Variants in EML5 observed in about 807,000 individuals in gnomAD.
EML5 encodes echinoderm microtubule-associated protein-like 5.
A neutral mutation model predicts 250.0 loss-of-function variants in EML5; 120 were observed. The observed-to-expected ratio is 0.48, with a 90% CI of 0.41 to 0.56. The LOEUF (loss-of-function observed/expected upper bound fraction) is 0.56. EML5 is among the 20% of genes least tolerant of loss of function. EML5 has a pLI of 0.00. For synonymous variants in EML5, 771 were observed against 806.5 expected (o/e 0.96, Z 0.75); for missense variants, 2,006 against 2,437.6 (o/e 0.82, Z 3.73).
chr14:88,725,718 A>G lies in EML5; in HGVS notation c.1187+823T>C, dbSNP rs149641449. On this transcript the variant is annotated intron_variant, in intron 8 of 43. Transcript: ENST00000554922. ...GGAGTGAAGAAAGGTCTTGAGGGAAACCAAACAGGAGGTAAGAAGATCAGC... is the reference window on the plus strand; with the variant it reads ...GGAGTGAAGAAAGGTCTTGAGGGAAGCCAAACAGGAGGTAAGAAGATCAGC... Among the ~76,000 whole-genome samples the G allele has an allele frequency of 2.9e-3, 445 of 152,288 alleles. 3 individuals carry two copies. Among genetic ancestry groups the G allele is most frequent in the African/African-American group, 0.01 (431 of 41,568 alleles).
At chr14:88,743,673 A>G (rs926006629) in intron 4 of EML5, among the ~76,000 whole-genome samples, 1 of 152,074 alleles carries the variant, frequency 6.6e-6, no homozygotes, top group Admixed American at 6.6e-5. Flanking sequence ...CTCCCACACC[A>G]TTCTATGTAA....
chr14:88,726,439 AAAC>A (rs548174818), intron 8 of EML5, 99 bp downstream of exon 8: 4 of 939,168 alleles, frequency 4.3e-6, no homozygotes, highest in Admixed American at 3.9e-5. Flanking sequence ...AAATAGGTAA[AAAC>A]AACAAGTATT....
rs1337117801 is a variant in EML5 at position 88,663,037 on chromosome 14, G to T, written c.3492C>A (p.Ser1164Arg). The T allele has an allele frequency of 1.3e-6, 2 of 1,550,500 alleles. No homozygotes were observed. The highest frequency in any genetic ancestry group is 1.7e-6 in the Non-Finnish European group (2 of 1,146,296). Residue 1164 changes from serine (S) to arginine (R), a missense_variant, in exon 24 of 44, where the codon AGC becomes AGA. By Grantham distance (110) the Ser-to-Arg change is moderately radical (BLOSUM62 -1). Coordinates refer to ENST00000554922, the MANE Select transcript of EML5 (RefSeq NM_183387.3). ...AGCACCACTGTTGTCCTACCTCCAC[G>T]CTGGGGATGGTTTGTTTTTTCCCTC... ...APRGKKQTIP[S>R]VEVEKIAWAS...
intron 5 of EML5, among the ~76,000 whole-genome samples, chr14:88,739,614 G>A (rs1308923523): frequency 2.0e-5 from 3 of 152,014 alleles, no homozygotes; most frequent in African/African-American, 4.8e-5. Flanking sequence ...GTAACTTTGG[G>A]CTGTGAGAGA....
chr14:88,727,487 C>T lies in EML5; in HGVS notation c.1050-809G>A, dbSNP rs1320653040. ...TGTGATCTCGGCTCACTGCAACCTC[C>T]GCCTCCCGGGTTCAAGCAATTCTCC... On this transcript the variant is annotated intron_variant, in intron 7 of 43. Transcript: ENST00000554922. 4.1e-5 allele frequency among the ~76,000 whole-genome samples: 6 copies of T among 148,110 alleles called. No individual in the cohort carries two copies. In the South Asian group the frequency reaches 6.4e-4, roughly 16 times the overall value.
intron 10 of EML5, 62 bp from the exon 11 acceptor site, chr14:88,706,488 A>G (rs1021228856): frequency 9.8e-5 from 120 of 1,226,074 alleles, no homozygotes; most frequent in Non-Finnish European, 1.2e-4. Context: ...CATTTCAAAC[A>G]ATTTTTATAT....
chr14:88,649,605 T>C (rs1027318913), intron 28 of EML5, among the ~76,000 whole-genome samples: 4 of 152,182 alleles, frequency 2.6e-5, no homozygotes, highest in Non-Finnish European at 5.9e-5. Context: ...CTTAAATATA[T>C]GTGTGGTTAG....
chr14:88,754,828 G>C (rs61983301), intron 1 of EML5, among the ~76,000 whole-genome samples, 157 bp from the exon 2 acceptor site: 16,942 of 152,236 alleles, frequency 0.11, 1,044 homozygotes, highest in African/African-American at 0.14. Flanking sequence ...TGTTGAGACA[G>C]AGTCTCGTTC....
At chr14:88,618,899 A>T in intron 39 of EML5, 87 bp from the exon 40 acceptor site, 2 of 1,381,972 alleles carry the variant, frequency 1.4e-6, no homozygotes, top group Non-Finnish European at 1.9e-6. Flanking sequence ...TCTAGTTCTT[A>T]AAAGTAACGT....
At chr14:88,647,161 G>A (rs1456938185) in intron 28 of EML5, among the ~76,000 whole-genome samples, 1 of 152,062 alleles carries the variant, frequency 6.6e-6, no homozygotes, top group East Asian at 1.9e-4. Flanking sequence ...AGGAGTTCGA[G>A]ACCAGCCTGG....
In EML5 at chr14:88,687,494, A is replaced by G. The variant is rs1031797001; in HGVS notation, c.2743-167T>C. Among the ~76,000 whole-genome samples, 3 of 152,214 alleles carry G rather than the reference A, an allele frequency of 2.0e-5. No individual in the cohort carries two copies. In the East Asian group the frequency reaches 5.8e-4, roughly 29 times the overall value. ...TCCATTGTGTTTTTAAACCGTCTAC[A>G]TGGAATCTGCAACAATATTTACAGT... On this transcript the variant is annotated intron_variant, in intron 18 of 43. Coordinates refer to ENST00000554922, the MANE Select transcript of EML5 (RefSeq NM_183387.3).
At chr14:88,712,775 A>C (rs1157386104) in intron 9 of EML5, among the ~76,000 whole-genome samples, 1 of 152,182 alleles carries the variant, frequency 6.6e-6, no homozygotes, top group Non-Finnish European at 1.5e-5. Context: ...TTATTTAAAA[A>C]ATGATACAGA....
intron 39 of EML5, 36 bp from the exon 40 acceptor site, chr14:88,618,848 C>T (rs1166575235): frequency 1.2e-5 from 18 of 1,528,358 alleles, no homozygotes; most frequent in African/African-American, 1.4e-5. Context: ...TATTAGACCA[C>T]ATGAAGTATT....
chr14:88,704,777 A>G lies in EML5; in HGVS notation c.2051+83T>C, dbSNP rs903713403. The G allele has an allele frequency of 2.6e-5, 25 of 950,442 alleles. No individual in the cohort carries two copies. The African/African-American group carries it at 4.1e-4, about 15-fold the overall frequency. 58.9% of individuals were successfully genotyped at this position (950,442 alleles called of 1,614,324 possible). A position where few individuals can be genotyped will look rare whatever the true frequency, so the allele number is the denominator to read the frequency against. On this transcript the variant is annotated intron_variant, in intron 13 of 43. Transcript: ENST00000554922. ...TCGGATATGTCATTTCAGGGGATAC[A>G]GTCAGTTCTATCATTAGAGATGTTA...
intron 8 of EML5, among the ~76,000 whole-genome samples, chr14:88,722,540 C>T (rs1282599673): frequency 6.6e-6 from 1 of 151,684 alleles, no homozygotes; most frequent in Non-Finnish European, 1.5e-5. Context: ...CACATATTCT[C>T]GTTTATAAGT....
At position 88,616,259 on chromosome 14, in the gene EML5, G is replaced by T; in HGVS notation, c.5797-17C>A. ...GTGTTTTGCCTAAAAAACAATGACA[G>T]ACAAGCTCAGGGCATTTGGTGCACA... On this transcript the variant is annotated splice_polypyrimidine_tract_variant and intron_variant, in intron 42 of 43. Transcript: ENST00000554922. 1 of 1,611,658 alleles carries T rather than the reference G, an allele frequency of 6.2e-7. No homozygotes were observed. The highest frequency in any genetic ancestry group is 8.5e-7 in the Non-Finnish European group (1 of 1,177,896).
rs2092109981 is a variant in EML5 at position 88,661,822 on chromosome 14, T to A, written c.3507A>T (p.Lys1169Asn). The A allele has an allele frequency of 6.2e-7, 1 of 1,606,754 alleles. No individual in the cohort carries two copies. Among genetic ancestry groups the A allele is most frequent in the African/African-American group, 1.3e-5 (1 of 74,788 alleles). The change falls in exon 25 of 44, where the codon AAA (lysine) becomes AAT (asparagine). Residue 1169 changes from lysine to asparagine, a missense_variant. Lys to Asn is a moderately conservative substitution (Grantham distance 94). Around this residue, in one of 7 missense-constraint regions of EML5, gnomAD observed 1,375 missense variants for 1,590.3 expected, o/e 0.86. Coordinates refer to ENST00000554922, the MANE Select transcript of EML5 (RefSeq NM_183387.3). Reference protein sequence around the residue: ...KQTIPSVEVEKIAWASWTSVL... With the variant: ...KQTIPSVEVENIAWASWTSVL... ...CACTTGTCCATGATGCCCAAGCAAT[T>A]TTTTCTACCTAAAAATGAAAAACAA...
At chr14:88,738,602 G>T (rs2140227723) in intron 6 of EML5, among the ~76,000 whole-genome samples, 1 of 152,092 alleles carries the variant, frequency 6.6e-6, no homozygotes, top group Non-Finnish European at 1.5e-5. Flanking sequence ...AAAATCCAAA[G>T]ATACCTAAGT....
intron 2 of EML5, 143 bp from the exon 3 acceptor site, chr14:88,746,426 A>G: frequency 1.6e-6 from 1 of 634,172 alleles, no homozygotes; most frequent in South Asian, 2.0e-5. Flanking sequence ...GACCTCATAA[A>G]GGCTGAATGT....
Sources: gnomAD v4.1 joint callset for allele counts (sites outside exome capture counted in the v4.1 genomes callset) on GRCh38, gnomAD v4.1.1 for gene constraint, gnomAD v4.1.1 regional missense constraint, MANE v1.5 for transcripts, NCBI Gene and HGNC (gene_info 2026-07-23, HGNC 2026-07-21) for gene names.